Variants in MMP24 observed in about 807,000 individuals in gnomAD.
MMP24 encodes matrix metalloproteinase-24.
Under a neutral mutation model 62.8 loss-of-function variants are expected in MMP24, and 25 were observed. The observed-to-expected ratio is 0.40, with a 90% CI of 0.29 to 0.56. The LOEUF (loss-of-function observed/expected upper bound fraction) is 0.56, where lower values mean the gene tolerates loss of function less well. Among genes scored for constraint, MMP24 ranks in the 20% least tolerant of loss-of-function variants. The pLI, the probability that MMP24 is intolerant of heterozygous loss-of-function variation, is 0.50. For synonymous variants in MMP24, 319 were observed against 350.5 expected (o/e 0.91, Z 1.00); for missense variants, 634 against 853.6 (o/e 0.74, Z 3.21).
At chr20:35,272,590 C>T (rs1487534684) in intron 8 of MMP24, among the ~76,000 whole-genome samples, 3 of 152,324 alleles carry the variant, frequency 2.0e-5, no homozygotes, top group South Asian at 2.1e-4. Context: ...TGGCCACCAG[C>T]CCCCACGACT....
At chr20:35,242,891 CA>C (rs1416501657) in intron 1 of MMP24, among the ~76,000 whole-genome samples, 1 of 151,828 alleles carries the variant, frequency 6.6e-6, no homozygotes, top group Non-Finnish European at 1.5e-5. Context: ...AAGCAAGAGT[CA>C]AATGGCCAGG....
intron 1 of MMP24, among the ~76,000 whole-genome samples, chr20:35,227,657 T>C (rs1041079560): frequency 2.0e-5 from 3 of 152,156 alleles, no homozygotes; most frequent in African/African-American, 4.8e-5. Flanking sequence ...GCATGCATAA[T>C]GCTTGCATGG....
chr20:35,247,325 C>A (rs2060520803), intron 2 of MMP24, among the ~76,000 whole-genome samples: 1 of 152,202 alleles, frequency 6.6e-6, no homozygotes, highest in South Asian at 2.1e-4. Flanking sequence ...CTGGAGTTCC[C>A]TGCAACGTGC....
chr20:35,259,313 G>C (rs532994442), intron 4 of MMP24, among the ~76,000 whole-genome samples: 2 of 152,302 alleles, frequency 1.3e-5, no homozygotes, highest in African/African-American at 4.8e-5. Context: ...CAGGTGGTCC[G>C]AGTATTTCCC....
intron 6 of MMP24, among the ~76,000 whole-genome samples, chr20:35,268,916 A>C (rs1049803628): frequency 3.3e-5 from 5 of 151,962 alleles, no homozygotes; most frequent in Non-Finnish European, 5.9e-5. Context: ...AGTCCCAGCT[A>C]CTCAGGAGGC....
At chr20:35,239,196 G>A (rs758408221) in intron 1 of MMP24, among the ~76,000 whole-genome samples, 5 of 151,940 alleles carry the variant, frequency 3.3e-5, no homozygotes, top group African/African-American at 4.8e-5. Context: ...ACAGGCGCAC[G>A]CCCGGCTAAT....
chr20:35,264,573 TG>T (rs2060621479), intron 5 of MMP24, among the ~76,000 whole-genome samples: 1 of 150,798 alleles, frequency 6.6e-6, no homozygotes, highest in Non-Finnish European at 1.5e-5. Context: ...CCAGGTGTGG[TG>T]GTGGGCAAGT....
At position 35,271,822 on chromosome 20, in the gene MMP24, C is replaced by A; in HGVS notation, c.1587C>A (p.Ile529=). ...GIPQAPQGAF[I]SKEGYYTYFY... The stretch of plus-strand genomic sequence containing the variant: ...CACAGGCTCCCCAAGGAGCCTTCAT[C>A]AGCAAGGAAGGATGTACGTAAGGGC... The change falls in exon 8 of 9, where the codon ATC becomes ATA. Residue 529 remains isoleucine, a synonymous_variant. Transcript: ENST00000246186. The surrounding 1 kb of genome is among the most constrained non-coding windows in gnomAD (Gnocchi z 4.0). 6.2e-7 allele frequency: 1 copy of A among 1,610,104 alleles called. No individual in the cohort carries two copies.
chr20:35,259,042 G>A (rs1038726804), intron 4 of MMP24, among the ~76,000 whole-genome samples: 1 of 152,096 alleles, frequency 6.6e-6, no homozygotes, highest in Non-Finnish European at 1.5e-5. Flanking sequence ...TTAGCCGGGT[G>A]TGGTGGCACA....
At chr20:35,258,563 C>T (rs1051973173) in intron 4 of MMP24, among the ~76,000 whole-genome samples, 1 of 152,188 alleles carries the variant, frequency 6.6e-6, no homozygotes, top group Non-Finnish European at 1.5e-5. Flanking sequence ...ACTTTTAATA[C>T]GTCTCTCTTG....
chr20:35,276,852 C>G lies in MMP24; in HGVS notation c.*2243C>G, dbSNP rs1275659013. 6.5e-6 allele frequency: 1 copy of G among 152,894 alleles called. No homozygotes were observed. The highest frequency in any genetic ancestry group is 1.5e-5 in the Non-Finnish European group (1 of 68,216). 9.5% of individuals were successfully genotyped at this position (152,894 alleles called of 1,614,324 possible). A position where few individuals can be genotyped will look rare whatever the true frequency, so the allele number is the denominator to read the frequency against. Reference sequence around the variant, plus strand: ...GTCCATCACCCCAGGACAGGGCAGACAGAGGGGCAAAGCACTGGGGGCCCC... The same window carrying G: ...GTCCATCACCCCAGGACAGGGCAGAGAGAGGGGCAAAGCACTGGGGGCCCC... On this transcript the variant is annotated 3_prime_UTR_variant, in exon 9 of 9. Coordinates refer to ENST00000246186, the MANE Select transcript of MMP24 (RefSeq NM_006690.4).
intron 1 of MMP24, among the ~76,000 whole-genome samples, chr20:35,235,909 C>T (rs767738145): frequency 6.6e-6 from 1 of 152,098 alleles, no homozygotes; most frequent in Non-Finnish European, 1.5e-5. Flanking sequence ...ACACTCCTGA[C>T]TGTGGGCAGA....
chr20:35,264,783 A>G (rs2060624089), intron 5 of MMP24, among the ~76,000 whole-genome samples: 1 of 150,286 alleles, frequency 6.7e-6, no homozygotes, highest in African/African-American at 2.4e-5. Context: ...TCTAGGTAAG[A>G]TATGAAAGGC....
rs1035461352 is a variant in MMP24 at position 35,275,779 on chromosome 20, C to G, written c.*1170C>G. ...GGCTGGAAGCAGTGTTTTCCCAGAG[C>G]TTGGCCCTTGCTGACCTCGCTCACT... On this transcript the variant is annotated 3_prime_UTR_variant, in exon 9 of 9. Coordinates refer to ENST00000246186, the MANE Select transcript of MMP24 (RefSeq NM_006690.4). 4 of 379,570 alleles carry G rather than the reference C, an allele frequency of 1.1e-5. No individual in the cohort carries two copies. The highest frequency in any genetic ancestry group is 3.7e-5 in the East Asian group (1 of 26,678). The allele number at this position is 379,570 out of a possible 1,614,324, so 23.5% of individuals were successfully genotyped here.
chr20:35,252,133 A>C (rs920681829), intron 3 of MMP24, 112 bp downstream of exon 3: 11 of 849,064 alleles, frequency 1.3e-5, no homozygotes, highest in African/African-American at 1.2e-4. Flanking sequence ...TCAGGCTTAC[A>C]ACATAGGCCA....
rs2060528873 is a variant in MMP24 at position 35,248,757 on chromosome 20, G to A, written c.395+1769G>A. Among the ~76,000 whole-genome samples, 28 of 152,142 alleles carry A rather than the reference G, an allele frequency of 1.8e-4. 1 individual carries two copies. Among genetic ancestry groups the A allele is most frequent in the Admixed American group, 1.8e-3 (28 of 15,276 alleles). On this transcript the variant is annotated intron_variant, in intron 2 of 8. Transcript: ENST00000246186. Reference sequence around the variant, plus strand: ...CTCCTGTGCTGTTGTGAATACAGTGGACTCCTTGGCCCCGTGGTCTCCAGA... The same window carrying A: ...CTCCTGTGCTGTTGTGAATACAGTGAACTCCTTGGCCCCGTGGTCTCCAGA...
In MMP24 at chr20:35,271,728, G is replaced by T; in HGVS notation, c.1493G>T (p.Arg498Leu). The change falls in exon 8 of 9, where the codon CGC (arginine) becomes CTC (leucine). Residue 498 changes from arginine to leucine, a missense_variant. Physicochemically the swap from Arg to Leu is moderately radical, Grantham distance 102. Around this residue, in one of 3 missense-constraint regions of MMP24, gnomAD observed 399 missense variants for 530.8 expected, o/e 0.75. Coordinates refer to ENST00000246186, the MANE Select transcript of MMP24 (RefSeq NM_006690.4). The surrounding 1 kb of genome is among the most constrained non-coding windows in gnomAD (Gnocchi z 4.0). ...TTTTTCAAAGGCGAGCGGTACTGGC[G>T]CTACAGCGAGGAGCGGCGGGCCACG... ...TYFFKGERYWRYSEERRATDP... is the reference protein window; with the variant it reads ...TYFFKGERYWLYSEERRATDP... 1 of 1,606,430 alleles carries T rather than the reference G, an allele frequency of 6.2e-7. No individual in the cohort carries two copies. The highest frequency in any genetic ancestry group is 2.2e-5 in the East Asian group (1 of 44,644).
At chr20:35,254,897 C>G (rs2060567415) in intron 4 of MMP24, 143 bp downstream of exon 4, 3 of 962,250 alleles carry the variant, frequency 3.1e-6, no homozygotes, top group African/African-American at 1.7e-5. Flanking sequence ...ACTGTGATTT[C>G]TGATAATATT....
At chr20:35,272,411 A>T (rs1295818115) in intron 8 of MMP24, among the ~76,000 whole-genome samples, 3 of 151,892 alleles carry the variant, frequency 2.0e-5, no homozygotes, top group Admixed American at 6.6e-5. Flanking sequence ...GCTAATTTAC[A>T]TTTTTTTGTA....
Sources: allele counts gnomAD v4.1 joint callset (sites outside exome capture counted in the v4.1 genomes callset), GRCh38; gene constraint gnomAD v4.1.1; regional missense constraint gnomAD v4.1.1; non-coding constraint Gnocchi (gnomAD v3.1); transcripts MANE v1.5; gene names NCBI Gene and HGNC (gene_info 2026-07-23, HGNC 2026-07-21).